Variants in FILIP1L observed in about 807,000 individuals in gnomAD.
FILIP1L encodes filamin A-interacting protein 1-like.
Under a neutral mutation model 96.6 loss-of-function variants are expected in FILIP1L, and 55 were observed. The ratio of observed to expected loss-of-function variants is 0.57; its 90% CI spans 0.46 to 0.71. The LOEUF (loss-of-function observed/expected upper bound fraction) is 0.71, where lower values mean the gene tolerates loss of function less well. Among genes scored for constraint, FILIP1L ranks in the 30% least tolerant of loss-of-function variants. FILIP1L has a pLI of 0.00. For missense variants in FILIP1L, 1,304 were observed against 1,321.2 expected, an observed-to-expected ratio of 0.99 and a Z score of 0.20; for synonymous variants, 467 against 473.9, an observed-to-expected ratio of 0.99 and a Z score of 0.19.
At chr3:99,947,631 T>C (rs1708050347) in intron 1 of FILIP1L, among the ~76,000 whole-genome samples, 1 of 152,242 alleles carries the variant, frequency 6.6e-6, no homozygotes, top group African/African-American at 2.4e-5. Flanking sequence ...TGACAGTGGC[T>C]GCAGGATTTA....
chr3:100,052,581 A>G (rs1410623298), intron 1 of FILIP1L, among the ~76,000 whole-genome samples: 1 of 152,222 alleles, frequency 6.6e-6, no homozygotes, highest in East Asian at 1.9e-4. Context: ...TAGCAATTCA[A>G]TGCTAGTATA....
chr3:99,930,382 T>C (rs973603499), intron 2 of FILIP1L, among the ~76,000 whole-genome samples: 6 of 152,218 alleles, frequency 3.9e-5, no homozygotes, highest in Non-Finnish European at 7.3e-5. Flanking sequence ...TAGATTTTCA[T>C]GTAGGTTAAT....
At chr3:99,886,815 C>G (rs1393320869) in intron 4 of FILIP1L, among the ~76,000 whole-genome samples, 1 of 151,638 alleles carries the variant, frequency 6.6e-6, no homozygotes, top group Non-Finnish European at 1.5e-5. Context: ...ACCAAAAATA[C>G]AAAAATTAGC....
intron 1 of FILIP1L, among the ~76,000 whole-genome samples, chr3:99,967,599 G>A (rs1190935133): frequency 1.3e-5 from 2 of 152,164 alleles, no homozygotes; most frequent in African/African-American, 4.8e-5. Context: ...TATGCAATTG[G>A]AATGGTCTCT....
intron 1 of FILIP1L, among the ~76,000 whole-genome samples, chr3:100,064,146 G>A (rs1010115153): frequency 7.2e-5 from 11 of 152,224 alleles, no homozygotes; most frequent in African/African-American, 2.4e-4. Context: ...GAGGTCTGCT[G>A]TAAACCTTCA....
chr3:100,034,771 G>C (rs1240538696), intron 1 of FILIP1L, among the ~76,000 whole-genome samples: 1 of 152,182 alleles, frequency 6.6e-6, no homozygotes, highest in Non-Finnish European at 1.5e-5. Context: ...GGAAGGAGGG[G>C]CATGCTTTAA....
intron 4 of FILIP1L, among the ~76,000 whole-genome samples, chr3:99,880,686 TA>T: frequency 6.6e-6 from 1 of 152,184 alleles, no homozygotes; most frequent in South Asian, 2.1e-4. Flanking sequence ...AAAATTAATT[TA>T]AAATTTTTTT....
At chr3:99,865,472 A>G (rs1336156630) in intron 4 of FILIP1L, among the ~76,000 whole-genome samples, 6 of 152,146 alleles carry the variant, frequency 3.9e-5, no homozygotes, top group South Asian at 2.1e-4. Flanking sequence ...AGTATTTCCT[A>G]TAGGTTCATG....
At chr3:100,063,152 G>A (rs2065603144) in intron 1 of FILIP1L, among the ~76,000 whole-genome samples, 1 of 152,036 alleles carries the variant, frequency 6.6e-6, no homozygotes, top group Non-Finnish European at 1.5e-5. Flanking sequence ...TACTGCTGAG[G>A]TATCAGTACC....
intron 1 of FILIP1L, among the ~76,000 whole-genome samples, chr3:100,082,021 A>AGTATC (rs1402306260): frequency 2.0e-5 from 3 of 152,222 alleles, no homozygotes; most frequent in African/African-American, 7.2e-5. Context: ...AAACTGTTCC[A>AGTATC]GTATCTTATG....
Position 100,026,006 on chromosome 3 carries a change from A to G in FILIP1L, c.-11+88047T>C, listed in dbSNP as rs891162843. Among the ~76,000 whole-genome samples the G allele has an allele frequency of 5.9e-5, 9 of 152,186 alleles. No homozygotes were observed. The South Asian group carries it at 6.2e-4, about 10-fold the overall frequency. Reference sequence around the variant, plus strand: ...CAAGTACCTTACCTCGCTCCCAGGCAATATGGACACAGACTATGACCTGAG... The same window carrying G: ...CAAGTACCTTACCTCGCTCCCAGGCGATATGGACACAGACTATGACCTGAG... On this transcript the variant is annotated intron_variant, in intron 1 of 5. Coordinates refer to ENST00000477258, the MANE Select transcript of FILIP1L (RefSeq NM_001387850.1).
chr3:100,017,736 G>A (rs1182043634), intron 1 of FILIP1L, among the ~76,000 whole-genome samples: 2 of 151,734 alleles, frequency 1.3e-5, no homozygotes, highest in Admixed American at 1.3e-4. Flanking sequence ...ACCAGCCGAG[G>A]CAACAAAGTG....
At chr3:99,980,950 A>G (rs770916828) in intron 1 of FILIP1L, among the ~76,000 whole-genome samples, 24 of 152,138 alleles carry the variant, frequency 1.6e-4, no homozygotes, top group African/African-American at 5.8e-4. Flanking sequence ...TTGCTGGACA[A>G]TTGGGACCCA....
intron 1 of FILIP1L, among the ~76,000 whole-genome samples, chr3:100,037,965 A>T (rs5851193): frequency 2.0e-5 from 2 of 100,504 alleles, no homozygotes; most frequent in South Asian, 3.5e-4. Context: ...TTGGGGGGGG[A>T]GGGAACAGAG....
At chr3:99,847,847 A>G (rs2107519482) in intron 5 of FILIP1L, 1 of 642,476 alleles carries the variant, frequency 1.6e-6, no homozygotes, top group East Asian at 1.3e-4. Flanking sequence ...ATTAATAGAG[A>G]CTATAAGCAA....
chr3:99,943,960 C>T (rs1344469823), intron 1 of FILIP1L, among the ~76,000 whole-genome samples: 3 of 152,198 alleles, frequency 2.0e-5, no homozygotes, highest in East Asian at 1.9e-4. Flanking sequence ...ATACAAGATG[C>T]TGTGCCTGGT....
At chr3:99,897,000 T>G (rs931934893) in intron 4 of FILIP1L, among the ~76,000 whole-genome samples, 6 of 152,214 alleles carry the variant, frequency 3.9e-5, no homozygotes, top group African/African-American at 1.4e-4. Flanking sequence ...CTAGAGAGAA[T>G]GATTTGTTTC....
At position 100,020,369 on chromosome 3, in the gene FILIP1L, A is replaced by T. The variant is rs139973372; in HGVS notation, c.-10-89339T>A. 5.2e-4 allele frequency among the ~76,000 whole-genome samples: 79 copies of T among 152,346 alleles called. 3 individuals are homozygous for T. Among genetic ancestry groups the T allele is most frequent in the African/African-American group, 1.8e-3 (76 of 41,582 alleles). ...ACAACCAGAAGTTGCAAGTTCCCCA[A>T]GTTCAAAATCTGTACATGTTTGCAC... On this transcript the variant is annotated intron_variant, in intron 1 of 5. Coordinates refer to ENST00000477258, the MANE Select transcript of FILIP1L (RefSeq NM_001387850.1).
chr3:100,033,784 C>A (rs2065060963), intron 1 of FILIP1L, among the ~76,000 whole-genome samples: 1 of 152,086 alleles, frequency 6.6e-6, no homozygotes, highest in Admixed American at 6.6e-5. Context: ...AAATTTTATT[C>A]TTTCCATGAA....
Sources: allele counts gnomAD v4.1 joint callset (sites outside exome capture counted in the v4.1 genomes callset), GRCh38; gene constraint gnomAD v4.1.1; transcripts MANE v1.5; gene names NCBI Gene and HGNC (gene_info 2026-07-23, HGNC 2026-07-21).